Variants in STAMBP observed in about 807,000 individuals in gnomAD.
STAMBP encodes the protein STAM-binding protein.
A neutral mutation model predicts 50.7 loss-of-function variants in STAMBP; 31 were observed. The ratio of observed to expected loss-of-function variants is 0.61; its 90% confidence interval spans 0.46 to 0.83. The LOEUF (loss-of-function observed/expected upper bound fraction) is 0.83. STAMBP is among the 40% of genes least tolerant of loss of function. The pLI, the probability that STAMBP is intolerant of heterozygous loss-of-function variation, is 0.00. For synonymous variants in STAMBP, 211 were observed against 192.4 expected, an observed-to-expected ratio of 1.10 and a Z score of -0.80; for missense variants, 472 against 518.9, an observed-to-expected ratio of 0.91 and a Z score of 0.88.
chr2:73,857,770 C>A (rs1030792985), intron 7 of STAMBP, among the ~76,000 whole-genome samples: 2 of 152,122 alleles, frequency 1.3e-5, no homozygotes, highest in Non-Finnish European at 2.9e-5. Context: ...ATCCACCTAC[C>A]CAGGAACTGA....
At position 73,860,105 on chromosome 2, in the gene STAMBP, G is replaced by A. The variant is rs181632285; in HGVS notation, c.1172G>A (p.Arg391His). The part of the protein sequence containing the change: ...DHGLEEISSC[R>H]QKGFHPHSKD... ...GGACTAGAGGAGATTTCTTCCTGTC[G>A]CCAGAAAGGATTTCATCCACACAGC... The change falls in exon 9 of 10, where the codon CGC becomes CAC. Residue 391 changes from arginine (R) to histidine (H), a missense_variant. Physicochemically the swap from Arg to His is conservative, Grantham distance 29 (BLOSUM62 0). Coordinates refer to ENST00000394070, the MANE Select transcript of STAMBP (RefSeq NM_213622.4). 15 of 1,613,562 alleles carry A rather than the reference G, an allele frequency of 9.3e-6. No individual in the cohort carries two copies. The highest frequency in any genetic ancestry group is 1.6e-4 in the Middle Eastern group (1 of 6,062).
At chr2:73,838,684 C>G (rs1479537642) in intron 2 of STAMBP, among the ~76,000 whole-genome samples, 1 of 152,118 alleles carries the variant, frequency 6.6e-6, no homozygotes, top group Non-Finnish European at 1.5e-5. Context: ...AACAGCAAGA[C>G]TGATATGGGG....
chr2:73,841,566 A>G (rs987177547), intron 2 of STAMBP, among the ~76,000 whole-genome samples: 2 of 152,170 alleles, frequency 1.3e-5, no homozygotes, highest in African/African-American at 2.4e-5. Context: ...TTGCTTATCT[A>G]TGGTAGCAGA....
chr2:73,868,116 C>T (rs1217528259), downstream of STAMBP, among the ~76,000 whole-genome samples: 1 of 139,742 alleles, frequency 7.2e-6, no homozygotes, highest in African/African-American at 2.8e-5. Context: ...AAGAGCAAAA[C>T]TCTGTCTCAA....
At chr2:73,870,855 C>G (rs1679172095), downstream of STAMBP, among the ~76,000 whole-genome samples, 1 of 152,220 alleles carries the variant, frequency 6.6e-6, no homozygotes, top group Non-Finnish European at 1.5e-5. Context: ...GCTTGCCACA[C>G]TTAGACACCT....
chr2:73,859,205 T>C, intron 7 of STAMBP, 49 bp from the exon 8 acceptor site: 1 of 1,473,420 alleles, frequency 6.8e-7, no homozygotes, highest in Non-Finnish European at 9.5e-7. Context: ...TAAGGAGGGA[T>C]TACCATATAT....
Position 73,847,681 on chromosome 2 carries a change from A to G in STAMBP, c.670A>G (p.Thr224Ala), listed in dbSNP as rs200378395. 8 of 1,614,166 alleles carry G rather than the reference A, an allele frequency of 5.0e-6. No homozygotes were observed. The highest frequency in any genetic ancestry group is 6.8e-6 in the Non-Finnish European group (8 of 1,180,022). ...CATACAGCCTTCAGACTGTCACACAACTGTAAGGCCAGCTAAGCCACCTGT... is the reference window on the plus strand; with the variant it reads ...CATACAGCCTTCAGACTGTCACACAGCTGTAAGGCCAGCTAAGCCACCTGT... ...SSIQPSDCHT[T>A]VRPAKPPVVD... The change falls in exon 5 of 10, where the codon ACT becomes GCT. Residue 224 changes from threonine (T) to alanine (A), a missense_variant. Coordinates refer to ENST00000394070, the MANE Select transcript of STAMBP (RefSeq NM_213622.4).
At chr2:73,841,951 G>GT in intron 2 of STAMBP, among the ~76,000 whole-genome samples, 1 of 151,978 alleles carries the variant, frequency 6.6e-6, no homozygotes, top group South Asian at 2.1e-4. Flanking sequence ...GGTCTGGGAG[G>GT]TTTTTTTTGT....
downstream of STAMBP, among the ~76,000 whole-genome samples, chr2:73,868,361 A>T (rs1218528544): frequency 6.6e-6 from 1 of 152,078 alleles, no homozygotes; most frequent in East Asian, 1.9e-4. Flanking sequence ...ACTGCTAGAA[A>T]GTGATGAGTC....
At chr2:73,846,644 G>A (rs1676100257) in intron 4 of STAMBP, among the ~76,000 whole-genome samples, 1 of 150,340 alleles carries the variant, frequency 6.7e-6, no homozygotes, top group African/African-American at 2.4e-5. Flanking sequence ...AAAAAATTCA[G>A]TAGAGACCCC....
At chr2:73,845,413 A>G in intron 4 of STAMBP, 151 bp downstream of exon 4, 4 of 622,168 alleles carry the variant, frequency 6.4e-6, no homozygotes, top group Non-Finnish European at 1.1e-5. Context: ...GTAGAACACC[A>G]GTGGTTAGGC....
At chr2:73,836,119 G>A (rs1471813463) in intron 2 of STAMBP, among the ~76,000 whole-genome samples, 1 of 152,038 alleles carries the variant, frequency 6.6e-6, no homozygotes, top group East Asian at 1.9e-4. Flanking sequence ...ATCCATACAT[G>A]TATTTACATG....
In STAMBP at chr2:73,844,893, G is replaced by A; in HGVS notation, c.279+5G>A. On this transcript the variant is annotated splice_donor_5th_base_variant and intron_variant, in intron 3 of 9. Transcript: ENST00000394070. The stretch of plus-strand genomic sequence containing the variant: ...GAAAAGAAAGACACAGTAAAGGTGG[G>A]TCTTCACTTTCATTGTTGCCCATCT... 6.2e-7 allele frequency: 1 copy of A among 1,613,274 alleles called. No individual in the cohort carries two copies. Among genetic ancestry groups the A allele is most frequent in the Non-Finnish European group, 8.5e-7 (1 of 1,179,822 alleles).
At chr2:73,842,585 G>T (rs1279021987) in intron 2 of STAMBP, among the ~76,000 whole-genome samples, 1 of 152,058 alleles carries the variant, frequency 6.6e-6, no homozygotes, top group African/African-American at 2.4e-5. Context: ...GAAGTGTTTT[G>T]GTCTGTATTT....
intron 7 of STAMBP, among the ~76,000 whole-genome samples, chr2:73,857,962 A>C (rs565578704): frequency 6.6e-6 from 1 of 151,792 alleles, no homozygotes; most frequent in South Asian, 2.1e-4. Flanking sequence ...CCAGTTTCCA[A>C]TAATTGTTTA....
chr2:73,836,093 A>G (rs1012147354), intron 2 of STAMBP, among the ~76,000 whole-genome samples: 3 of 152,144 alleles, frequency 2.0e-5, no homozygotes, highest in Non-Finnish European at 4.4e-5. Context: ...AGATTTTTAT[A>G]TATGTATATA....
At chr2:73,857,093 A>G (rs763710983) in intron 7 of STAMBP, among the ~76,000 whole-genome samples, 12 of 152,310 alleles carry the variant, frequency 7.9e-5, no homozygotes, top group Non-Finnish European at 1.5e-4. Context: ...TTCCAGCCTC[A>G]GAATTCTGTT....
rs1678975884 is a variant in STAMBP at position 73,867,118 on chromosome 2, T to C, written c.*4859T>C. The C allele has an allele frequency of 1.3e-5, 2 of 152,244 alleles. No homozygotes were observed. The highest frequency in any genetic ancestry group is 3.8e-4 in the East Asian group (2 of 5,206). The allele number at this position is 152,244 out of a possible 1,614,324, so 9.4% of individuals were successfully genotyped here. A position where few individuals can be genotyped will look rare whatever the true frequency, so the allele number is the denominator to read the frequency against. ...CACCTTTGTACTGAGTCCCCTGACA[T>C]GGAATAAGATATGAATAAATGCACA... On this transcript the variant is annotated 3_prime_UTR_variant, in exon 10 of 10. Transcript: ENST00000394070.
chr2:73,854,324 G>C (rs886180266), intron 7 of STAMBP, among the ~76,000 whole-genome samples: 1 of 152,202 alleles, frequency 6.6e-6, no homozygotes, highest in African/African-American at 2.4e-5. Context: ...ATTAGAAACT[G>C]GAGGAGATGG....
Sources: allele counts gnomAD v4.1 joint callset (sites outside exome capture counted in the v4.1 genomes callset), GRCh38; gene constraint gnomAD v4.1.1; transcripts MANE v1.5; gene names NCBI Gene and HGNC (gene_info 2026-07-23, HGNC 2026-07-21).